The following COL8A1 variants were observed in gnomAD, a reference collection of about 807,000 sequenced individuals.
COL8A1 encodes collagen type VIII alpha 1 chain.
COL8A1 carries 21 observed loss-of-function variants against 42.7 expected under a neutral mutation model. The observed-to-expected ratio is 0.49, with a 90% CI of 0.35 to 0.71. The LOEUF (loss-of-function observed/expected upper bound fraction) is 0.71. COL8A1 is among the 30% of genes least tolerant of loss of function. The probability of loss-of-function intolerance (pLI) is 0.01; values close to 1 mark genes in which losing one functional copy is unlikely to be tolerated. For synonymous variants in COL8A1, 367 were observed against 369.1 expected (o/e 0.99, Z 0.06); for missense variants, 788 against 962.4 (o/e 0.82, Z 2.40).
chr3:99,676,295 T>C (rs893625608), intron 1 of COL8A1, among the ~76,000 whole-genome samples: 3 of 152,112 alleles, frequency 2.0e-5, no homozygotes, highest in Non-Finnish European at 1.5e-5. Flanking sequence ...TAAAAAGTGA[T>C]AATAGGTATT....
chr3:99,761,759 C>G (rs550104680), intron 2 of COL8A1, among the ~76,000 whole-genome samples: 17 of 152,226 alleles, frequency 1.1e-4, no homozygotes, highest in African/African-American at 4.1e-4. Context: ...CTAGAGAAAA[C>G]ACGTGGAACA....
At chr3:99,746,603 G>T (rs936281637) in intron 2 of COL8A1, among the ~76,000 whole-genome samples, 1 of 152,202 alleles carries the variant, frequency 6.6e-6, no homozygotes, top group African/African-American at 2.4e-5. Context: ...GAGAGAAATT[G>T]CTTGTAAAGT....
At chr3:99,750,073 T>G (rs1941112684) in intron 2 of COL8A1, among the ~76,000 whole-genome samples, 2 of 145,124 alleles carry the variant, frequency 1.4e-5, no homozygotes, top group South Asian at 4.4e-4. Context: ...TTTTTTTTTT[T>G]TGAGACAGAT....
chr3:99,761,871 C>T (rs1234279893), intron 2 of COL8A1, among the ~76,000 whole-genome samples: 1 of 152,152 alleles, frequency 6.6e-6, no homozygotes, highest in South Asian at 2.1e-4. Context: ...TACTTCTTTT[C>T]TCTTAATTTC....
intron 3 of COL8A1, among the ~76,000 whole-genome samples, chr3:99,792,879 C>G (rs185055096): frequency 1.6e-3 from 243 of 152,272 alleles, no homozygotes; most frequent in Non-Finnish European, 2.2e-3. Flanking sequence ...TCTACTAATT[C>G]TAAAGGAGAG....
intron 1 of COL8A1, among the ~76,000 whole-genome samples, chr3:99,657,454 G>A (rs1048254939): frequency 3.3e-5 from 5 of 152,044 alleles, no homozygotes; most frequent in African/African-American, 9.7e-5. Context: ...AATGGCTAGC[G>A]GCATCTTTTA....
intron 2 of COL8A1, among the ~76,000 whole-genome samples, chr3:99,782,254 C>A (rs1941807288): frequency 6.6e-6 from 1 of 152,088 alleles, no homozygotes; most frequent in Non-Finnish European, 1.5e-5. Context: ...AGGGGGTGTA[C>A]AAACTCTCCA....
chr3:99,781,940 G>A (rs887641876), intron 2 of COL8A1, among the ~76,000 whole-genome samples: 3 of 152,028 alleles, frequency 2.0e-5, no homozygotes, highest in African/African-American at 7.3e-5. Context: ...CATTAACCAC[G>A]AATTTCCCCT....
chr3:99,773,194 T>C (rs1355051666), intron 2 of COL8A1, among the ~76,000 whole-genome samples: 5 of 152,238 alleles, frequency 3.3e-5, no homozygotes, highest in Non-Finnish European at 7.3e-5. Context: ...TAGCCATTAT[T>C]AGTAGAGCGT....
At chr3:99,684,831 C>T (rs1938999709) in intron 1 of COL8A1, among the ~76,000 whole-genome samples, 1 of 152,134 alleles carries the variant, frequency 6.6e-6, no homozygotes, top group East Asian at 1.9e-4. Flanking sequence ...AAGTGGATCT[C>T]AAGGTCTCAC....
chr3:99,774,541 A>C (rs1159867302), intron 2 of COL8A1, among the ~76,000 whole-genome samples: 4 of 152,112 alleles, frequency 2.6e-5, no homozygotes, highest in Admixed American at 1.3e-4. Context: ...ACATGCTGGG[A>C]GATGGAGAGA....
chr3:99,739,313 T>C (rs1940831227), intron 1 of COL8A1, among the ~76,000 whole-genome samples: 1 of 152,228 alleles, frequency 6.6e-6, no homozygotes, highest in Non-Finnish European at 1.5e-5. Context: ...CAATGCAAGC[T>C]GTCGGTGGAT....
In COL8A1 at chr3:99,715,602, T is replaced by C. The variant is rs116241006; in HGVS notation, c.-128-29295T>C. Among the ~76,000 whole-genome samples the C allele has an allele frequency of 1.8e-3, 268 of 152,176 alleles. 1 individual carries two copies. The highest frequency in any genetic ancestry group is 6.1e-3 in the African/African-American group (255 of 41,560). ...TATGTATCAGAACTTGTACCTGTAATGACAGTTCCCAACCTCCCAATCCTT... is the reference window on the plus strand; with the variant it reads ...TATGTATCAGAACTTGTACCTGTAACGACAGTTCCCAACCTCCCAATCCTT... On this transcript the variant is annotated intron_variant, in intron 1 of 3. Coordinates refer to ENST00000652472, the MANE Select transcript of COL8A1 (RefSeq NM_020351.4).
intron 1 of COL8A1, among the ~76,000 whole-genome samples, chr3:99,643,464 C>A (rs1937553119): frequency 6.6e-6 from 1 of 152,152 alleles, no homozygotes; most frequent in Non-Finnish European, 1.5e-5. Flanking sequence ...GGGAAAAAAG[C>A]TAAGTATAAA....
chr3:99,704,859 G>A (rs531195890), intron 1 of COL8A1, among the ~76,000 whole-genome samples: 1 of 152,144 alleles, frequency 6.6e-6, no homozygotes, highest in African/African-American at 2.4e-5. Flanking sequence ...AGTTTTAATT[G>A]ATTTGAGAGA....
intron 2 of COL8A1, among the ~76,000 whole-genome samples, chr3:99,746,147 A>T (rs757549311): frequency 5.9e-5 from 9 of 152,218 alleles, no homozygotes; most frequent in Non-Finnish European, 1.3e-4. Context: ...CATCCTGTCT[A>T]GAATGCATCC....
chr3:99,675,656 C>T (rs1384274826), intron 1 of COL8A1: 14 of 152,430 alleles, frequency 9.2e-5, no homozygotes. Flanking sequence ...TCCTCTTCAT[C>T]CAGGGAGCTC....
At chr3:99,745,877 C>A (rs1308244114) in intron 2 of COL8A1, among the ~76,000 whole-genome samples, 1 of 151,474 alleles carries the variant, frequency 6.6e-6, no homozygotes, top group South Asian at 2.1e-4. Flanking sequence ...GACAAGTAGA[C>A]ATTATCTCAT....
intron 1 of COL8A1, among the ~76,000 whole-genome samples, chr3:99,643,942 G>T (rs1032051983): frequency 2.6e-5 from 4 of 152,092 alleles, no homozygotes; most frequent in African/African-American, 9.7e-5. Context: ...TGGATAATCA[G>T]GAAAAACATT....
Sources: allele counts gnomAD v4.1 joint callset (sites outside exome capture counted in the v4.1 genomes callset), GRCh38; gene constraint gnomAD v4.1.1; transcripts MANE v1.5; gene names NCBI Gene and HGNC (gene_info 2026-07-23, HGNC 2026-07-21).